Variants in ADAMTSL1 observed in about 807,000 individuals in gnomAD.
The protein encoded by ADAMTSL1 is ADAMTS-like protein 1.
Under a neutral mutation model 201.8 loss-of-function variants are expected in ADAMTSL1, and 126 were observed. That is an observed-to-expected ratio of 0.62 (90% CI 0.54 to 0.72). The LOEUF is 0.72. Among genes scored for constraint, ADAMTSL1 ranks in the 30% least tolerant of loss-of-function variants. The pLI, the probability that ADAMTSL1 is intolerant of heterozygous loss-of-function variation, is 0.00. For synonymous variants in ADAMTSL1, 1,121 were observed against 903.4 expected (o/e 1.24, Z -4.32); for missense variants, 2,679 against 2,277.8 (o/e 1.18, Z -3.59).
In ADAMTSL1 at chr9:18,166,598, T is replaced by G. The variant is rs150949903; in HGVS notation, c.207+2617T>G. 5.1e-4 allele frequency among the ~76,000 whole-genome samples: 78 copies of G among 152,036 alleles called. 1 individual carries two copies. In the East Asian group the frequency reaches 0.012, roughly 24 times the overall value. On this transcript the variant is annotated intron_variant, in intron 2 of 29. Transcript: ENST00000680146. ...ATGTTTGCCAACTGGAAATTGATAG[T>G]TGTGGAAGTAACAAATGTATCCCCA...
intron 8 of ADAMTSL1, among the ~76,000 whole-genome samples, chr9:18,659,347 T>G (rs1471529198): frequency 2.6e-5 from 4 of 152,240 alleles, no homozygotes; most frequent in Non-Finnish European, 5.9e-5. Flanking sequence ...GATTTTAGCT[T>G]AAAAGAAGTC....
At chr9:18,640,548 C>G (rs1827375261) in intron 7 of ADAMTSL1, among the ~76,000 whole-genome samples, 1 of 152,138 alleles carries the variant, frequency 6.6e-6, no homozygotes, top group East Asian at 1.9e-4. Flanking sequence ...AAATGTGTTA[C>G]ATCTATCCAG....
At chr9:18,026,668 T>C (rs1277291408) in intron 1 of ADAMTSL1, among the ~76,000 whole-genome samples, 3 of 152,040 alleles carry the variant, frequency 2.0e-5, no homozygotes, top group Non-Finnish European at 4.4e-5. Flanking sequence ...GAAGTTTTCT[T>C]TTTTCGTTGT....
At chr9:18,527,822 G>A (rs1819181939) in intron 2 of ADAMTSL1, among the ~76,000 whole-genome samples, 1 of 152,130 alleles carries the variant, frequency 6.6e-6, no homozygotes, top group African/African-American at 2.4e-5. Flanking sequence ...GTAAAATGGT[G>A]ATTAAGCAAA....
chr9:18,184,030 C>T (rs1162281976), intron 2 of ADAMTSL1, among the ~76,000 whole-genome samples: 3 of 152,168 alleles, frequency 2.0e-5, no homozygotes, highest in Non-Finnish European at 4.4e-5. Context: ...TTTCCCAGTG[C>T]TGTCTAAAAG....
Position 18,540,326 on chromosome 9 carries a change from G to T in ADAMTSL1, c.237+7034G>T, listed in dbSNP as rs186754719. Among the ~76,000 whole-genome samples, 14 of 152,310 alleles carry T rather than the reference G, an allele frequency of 9.2e-5. No individual in the cohort carries two copies. In the East Asian group the frequency reaches 2.5e-3, roughly 27 times the overall value. On this transcript the variant is annotated intron_variant, in intron 3 of 28. Coordinates refer to ENST00000380548, the MANE Select transcript of ADAMTSL1 (RefSeq NM_001040272.6). ...TATAGTGAATGATTATGCTACACTT[G>T]ATCTTAGCCAAAAGGCCGAGAAGCG...
intron 1 of ADAMTSL1, among the ~76,000 whole-genome samples, chr9:18,097,816 A>G (rs957122791): frequency 2.6e-5 from 4 of 151,508 alleles, no homozygotes; most frequent in Non-Finnish European, 4.4e-5. Flanking sequence ...CCAGATAAAA[A>G]TTCTTTGTCA....
At chr9:18,881,992 T>G (rs1383125560) in intron 23 of ADAMTSL1, among the ~76,000 whole-genome samples, 1 of 152,198 alleles carries the variant, frequency 6.6e-6, no homozygotes, top group Non-Finnish European at 1.5e-5. Context: ...CTATGGCCTC[T>G]GATTCCAAGG....
intron 21 of ADAMTSL1, among the ~76,000 whole-genome samples, chr9:18,818,719 G>T (rs1194192534): frequency 6.6e-6 from 1 of 152,106 alleles, no homozygotes; most frequent in African/African-American, 2.4e-5. Context: ...TGAGCCCAGA[G>T]GTCAAGGCTG....
At chr9:18,501,189 A>G (rs1181965609) in intron 1 of ADAMTSL1, among the ~76,000 whole-genome samples, 2 of 152,126 alleles carry the variant, frequency 1.3e-5, no homozygotes, top group African/African-American at 4.8e-5. Flanking sequence ...GCTGCTGTAA[A>G]GTTAAAAGGA....
At chr9:18,807,653 AAAAAAC>A (rs1160045222) in intron 20 of ADAMTSL1, among the ~76,000 whole-genome samples, 92 of 145,734 alleles carry the variant, frequency 6.3e-4, no homozygotes, top group East Asian at 1.0e-3. Context: ...CTCAAAAAAA[AAAAAAC>A]AAAAAAAAAA....
intron 1 of ADAMTSL1, among the ~76,000 whole-genome samples, chr9:18,101,192 A>T (rs1260561103): frequency 6.8e-6 from 1 of 146,408 alleles, no homozygotes; most frequent in Non-Finnish European, 1.5e-5. Context: ...AATACAGATG[A>T]ATGCATTTAA....
intron 6 of ADAMTSL1, among the ~76,000 whole-genome samples, chr9:18,638,251 C>T (rs547892010): frequency 6.6e-6 from 1 of 151,996 alleles, no homozygotes; most frequent in African/African-American, 2.4e-5. Context: ...TACAAGTAGA[C>T]CCCCTCTACA....
Position 18,777,095 on chromosome 9 carries a change from T to C in ADAMTSL1, c.2866T>C (p.Phe956Leu), listed in dbSNP as rs1234266713. 9 of 1,612,984 alleles carry C rather than the reference T, an allele frequency of 5.6e-6. No homozygotes were observed. Among genetic ancestry groups the C allele is most frequent in the African/African-American group, 1.3e-5 (1 of 74,900 alleles). The change falls in exon 19 of 29, where the codon TTT becomes CTT. Residue 956 changes from phenylalanine to leucine, a missense_variant. By Grantham distance (22) the Phe-to-Leu change is conservative. Coordinates refer to ENST00000380548, the MANE Select transcript of ADAMTSL1 (RefSeq NM_001040272.6). ...CTCAGCGGGCCCGGCCCGGGAGCAC[T>C]TTGTGATTAAGCTCATCGGAGGCAA... ...TCSAGPAREH[F>L]VIKLIGGNRK... is the part of the protein sequence containing the mutation.
At chr9:18,287,376 T>G (rs1022936855) in intron 2 of ADAMTSL1, among the ~76,000 whole-genome samples, 14 of 151,882 alleles carry the variant, frequency 9.2e-5, no homozygotes, top group African/African-American at 3.4e-4. Flanking sequence ...CACACATACA[T>G]GTATATATGT....
intron 2 of ADAMTSL1, among the ~76,000 whole-genome samples, chr9:18,451,180 C>T (rs553393465): frequency 6.6e-6 from 1 of 152,230 alleles, no homozygotes; most frequent in Admixed American, 6.5e-5. Context: ...TTTATCAAAG[C>T]TGAGAATATT....
rs140230716 is a variant in ADAMTSL1 at position 17,934,952 on chromosome 9, A to G, written c.87+28030A>G. Among the ~76,000 whole-genome samples, 147 of 150,000 alleles carry G rather than the reference A, an allele frequency of 9.8e-4. 2 individuals carry two copies. The East Asian group carries it at 0.028, about 28-fold the overall frequency. On this transcript the variant is annotated intron_variant, in intron 1 of 29. Coordinates refer to the ADAMTSL1 transcript ENST00000680146. ...GTATTGGACCTTCCCCTTTAAACAT[A>G]TAGTTATTCCATCTTAAAAGCCTTC...
At chr9:18,661,860 C>T (rs374631751) in intron 8 of ADAMTSL1, 75 bp from the exon 9 acceptor site, 4 of 1,457,830 alleles carry the variant, frequency 2.7e-6, no homozygotes, top group Non-Finnish European at 2.8e-6. Flanking sequence ...TTGATGTGAG[C>T]TGGCCAAAAT....
At chr9:18,023,664 T>C (rs1168890867) in intron 1 of ADAMTSL1, among the ~76,000 whole-genome samples, 1 of 152,194 alleles carries the variant, frequency 6.6e-6, no homozygotes, top group African/African-American at 2.4e-5. Context: ...CCAGATTTCT[T>C]CTGTCTGGTG....
Sources: allele counts gnomAD v4.1 joint callset (sites outside exome capture counted in the v4.1 genomes callset), GRCh38; gene constraint gnomAD v4.1.1; transcripts MANE v1.5; gene names NCBI Gene and HGNC (gene_info 2026-07-23, HGNC 2026-07-21).